The following ADAD1 variants were observed in gnomAD, a reference collection of about 807,000 sequenced individuals.
The protein encoded by ADAD1 is adenosine deaminase domain containing 1, also known as adenosine deaminase domain-containing protein 1.
ADAD1 carries 46 observed loss-of-function variants against 66.8 expected under a neutral mutation model. The ratio of observed to expected loss-of-function variants is 0.69; its 90% CI spans 0.54 to 0.88. The LOEUF is 0.88. Among genes scored for constraint, ADAD1 ranks in the 40% least tolerant of loss-of-function variants. The probability of loss-of-function intolerance (pLI) is 0.00; values close to 1 mark genes in which losing one functional copy is unlikely to be tolerated. For synonymous variants in ADAD1, 248 were observed against 229.4 expected (o/e 1.08, Z -0.73); for missense variants, 617 against 681.8 (o/e 0.91, Z 1.06).
intron 7 of ADAD1, among the ~76,000 whole-genome samples, chr4:122,397,145 A>G (rs915442376): frequency 1.1e-4 from 17 of 152,216 alleles, no homozygotes; most frequent in Non-Finnish European, 2.4e-4. Context: ...CTGCAGGACA[A>G]TGAGGTAAAT....
rs895340740 is a variant in ADAD1 at position 122,402,191 on chromosome 4, G to T, written c.725-5717G>T. Among the ~76,000 whole-genome samples the T allele has an allele frequency of 2.0e-5, 3 of 151,956 alleles. No individual in the cohort carries two copies. In the South Asian group the frequency reaches 6.2e-4, roughly 32 times the overall value. On this transcript the variant is annotated intron_variant, in intron 7 of 12. Coordinates refer to ENST00000296513, the MANE Select transcript of ADAD1 (RefSeq NM_139243.4). The stretch of plus-strand genomic sequence containing the variant: ...TTAGCATTTATTTAATACTGGCTTC[G>T]CAGTGGTGAATTCTCTTAGCATTTG...
chr4:122,393,407 A>G (rs574141557), intron 5 of ADAD1, among the ~76,000 whole-genome samples, 182 bp from the exon 6 acceptor site: 14 of 152,158 alleles, frequency 9.2e-5, no homozygotes, highest in Non-Finnish European at 1.5e-4. Context: ...GTTTGCATAA[A>G]CAATTTCAAA....
At chr4:122,401,296 G>A (rs1477454463) in intron 7 of ADAD1, among the ~76,000 whole-genome samples, 2 of 152,012 alleles carry the variant, frequency 1.3e-5, no homozygotes, top group African/African-American at 4.8e-5. Flanking sequence ...CCATATACTT[G>A]TATAGTTTTG....
In ADAD1 at chr4:122,396,269, T is replaced by C; in HGVS notation, c.616T>C (p.Tyr206His). Residue 206 changes from tyrosine to histidine, a missense_variant, in exon 7 of 13, where the codon TAT becomes CAT. Coordinates refer to ENST00000296513, the MANE Select transcript of ADAD1 (RefSeq NM_139243.4). ...TTTTCTAGAAGGGAGACATATTCAA[T>C]ATGCAAAGATTTCACAGATCGTTAA... is the stretch of plus-strand genomic sequence containing the variant. ...KVHYEGRHIQ[Y>H]AKISQIVKER... 6.3e-7 allele frequency: 1 copy of C among 1,589,470 alleles called. No individual in the cohort carries two copies. The highest frequency in any genetic ancestry group is 8.5e-7 in the Non-Finnish European group (1 of 1,170,776).
intron 7 of ADAD1, among the ~76,000 whole-genome samples, chr4:122,400,720 T>A (rs895679241): frequency 6.6e-6 from 1 of 152,192 alleles, no homozygotes; most frequent in Non-Finnish European, 1.5e-5. Flanking sequence ...TCTTCCTGGC[T>A]TAATCTAGGA....
chr4:122,413,349 A>G (rs1796558389), intron 10 of ADAD1, among the ~76,000 whole-genome samples: 1 of 152,166 alleles, frequency 6.6e-6, no homozygotes, highest in South Asian at 2.1e-4. Flanking sequence ...TGGAATTTTT[A>G]AATTTAAAAC....
At chr4:122,422,304 C>A (rs1222365966) in intron 12 of ADAD1, among the ~76,000 whole-genome samples, 1 of 151,990 alleles carries the variant, frequency 6.6e-6, no homozygotes, top group East Asian at 1.9e-4. Context: ...TTTGTACTTT[C>A]AGTAGAGACG....
intron 7 of ADAD1, among the ~76,000 whole-genome samples, chr4:122,403,632 G>A (rs1796074365): frequency 1.3e-5 from 2 of 152,122 alleles, no homozygotes; most frequent in African/African-American, 2.4e-5. Context: ...CAGTCAGGAG[G>A]TGGCACTTTC....
chr4:122,380,230 C>A lies in ADAD1; in HGVS notation c.161C>A (p.Thr54Lys). The change falls in exon 3 of 13, where the codon ACG becomes AAG. Residue 54 changes from threonine to lysine, a missense_variant. Thr to Lys is a moderately conservative substitution (Grantham distance 78). Coordinates refer to ENST00000296513, the MANE Select transcript of ADAD1 (RefSeq NM_139243.4). ...YGLSKMASKV[T>K]QVTGNFPEPL... The stretch of plus-strand genomic sequence containing the variant: ...CTGTCCAAGATGGCATCCAAGGTTA[C>A]GCAAGTAACGGGTACGACTTTTTTC... 3 of 1,607,570 alleles carry A rather than the reference C, an allele frequency of 1.9e-6. No homozygotes were observed. The highest frequency in any genetic ancestry group is 2.5e-6 in the Non-Finnish European group (3 of 1,178,294).
chr4:122,417,757 G>C (rs570395810), intron 11 of ADAD1, among the ~76,000 whole-genome samples: 1 of 152,096 alleles, frequency 6.6e-6, no homozygotes, highest in Admixed American at 6.5e-5. Flanking sequence ...TGTGTTAAAC[G>C]ACAAAGAAAA....
chr4:122,405,923 G>A (rs556226475), intron 7 of ADAD1, among the ~76,000 whole-genome samples: 2 of 152,092 alleles, frequency 1.3e-5, no homozygotes, highest in African/African-American at 4.8e-5. Context: ...CTTCTTTTTG[G>A]GGGGGCTGAA....
At chr4:122,405,077 G>A (rs904829925) in intron 7 of ADAD1, among the ~76,000 whole-genome samples, 5 of 152,084 alleles carry the variant, frequency 3.3e-5, no homozygotes, top group South Asian at 2.1e-4. Flanking sequence ...TCACCATTCC[G>A]GAACTTATAC....
At chr4:122,388,317 C>T (rs911967675) in intron 5 of ADAD1, among the ~76,000 whole-genome samples, 7 of 152,060 alleles carry the variant, frequency 4.6e-5, no homozygotes, top group African/African-American at 1.7e-4. Flanking sequence ...GGTATATTGG[C>T]CTGAAGTTTT....
chr4:122,388,827 A>G (rs539185527), intron 5 of ADAD1, among the ~76,000 whole-genome samples: 12 of 151,932 alleles, frequency 7.9e-5, no homozygotes, highest in African/African-American at 2.9e-4. Flanking sequence ...CAGCTTCTGG[A>G]TTCGATTTTT....
chr4:122,405,905 A>G (rs374609479), intron 7 of ADAD1, among the ~76,000 whole-genome samples: 4 of 152,316 alleles, frequency 2.6e-5, no homozygotes, highest in African/African-American at 9.6e-5. Flanking sequence ...TGAAAATGGC[A>G]GAATTTTCTT....
At chr4:122,411,484 A>G in intron 9 of ADAD1, 92 bp downstream of exon 9, 12 of 1,253,492 alleles carry the variant, frequency 9.6e-6, no homozygotes, top group Non-Finnish European at 1.3e-5. Context: ...ATAAATTCTA[A>G]TTACCCGTAT....
At chr4:122,389,865 G>C (rs1416525134) in intron 5 of ADAD1, among the ~76,000 whole-genome samples, 1 of 152,140 alleles carries the variant, frequency 6.6e-6, no homozygotes, top group South Asian at 2.1e-4. Context: ...TTTAAGGTTA[G>C]TGTTGTTATG....
At chr4:122,396,442 A>G (rs528706048) in intron 7 of ADAD1, 65 bp downstream of exon 7, 13 of 1,363,306 alleles carry the variant, frequency 9.5e-6, no homozygotes, top group East Asian at 5.1e-5. Context: ...TTAGTTAACT[A>G]TCTTTGCCCC....
intron 7 of ADAD1, among the ~76,000 whole-genome samples, chr4:122,400,307 T>A (rs1041418848): frequency 1.3e-5 from 2 of 152,164 alleles, no homozygotes; most frequent in Non-Finnish European, 2.9e-5. Flanking sequence ...GTGTATCACA[T>A]TTATCACCTT....
Sources: allele counts gnomAD v4.1 joint callset (sites outside exome capture counted in the v4.1 genomes callset), GRCh38; gene constraint gnomAD v4.1.1; transcripts MANE v1.5; gene names NCBI Gene and HGNC (gene_info 2026-07-23, HGNC 2026-07-21).